The following UBE2E3 variants were observed in gnomAD, a reference collection of about 807,000 sequenced individuals.
UBE2E3 encodes the protein ubiquitin conjugating enzyme E2 E3.
In UBE2E3, 5 loss-of-function variants were observed where a neutral mutation model predicts 23.6. The ratio of observed to expected loss-of-function variants is 0.21; its 90% CI spans 0.11 to 0.44. The LOEUF (loss-of-function observed/expected upper bound fraction) is 0.44, where lower values mean the gene tolerates loss of function less well. Among genes scored for constraint, UBE2E3 ranks in the 20% least tolerant of loss-of-function variants. The pLI is 0.99. For synonymous variants in UBE2E3, 78 were observed against 87.5 expected, an observed-to-expected ratio of 0.89 and a Z score of 0.60; for missense variants, 81 against 249.8, an observed-to-expected ratio of 0.32 and a Z score of 4.55.
chr2:181,001,395 C>A (rs1559116952), intron 3 of UBE2E3, among the ~76,000 whole-genome samples: 1 of 152,088 alleles, frequency 6.6e-6, no homozygotes, highest in East Asian at 1.9e-4. Flanking sequence ...AAGAAACATA[C>A]AATTATGTTT....
rs184164312 is a variant in UBE2E3, at chr2:181,016,712, A to G, written c.245+32619A>G. On this transcript the variant is annotated intron_variant, in intron 3 of 5. Transcript: ENST00000410062. The stretch of plus-strand genomic sequence containing the variant: ...CTGTCGCCCTATCAGTCTCACGACT[A>G]TTATGATTTACTAGAAATTTTTCTT... 6.6e-5 allele frequency among the ~76,000 whole-genome samples: 10 copies of G among 152,348 alleles called. No homozygotes were observed. The East Asian group carries it at 1.3e-3, about 21-fold the overall frequency.
chr2:180,982,298 T>A (rs1684321645), intron 2 of UBE2E3, 62 bp downstream of exon 2: 1 of 1,496,564 alleles, frequency 6.7e-7, no homozygotes, highest in Admixed American at 2.0e-5. Flanking sequence ...GGTTGGACGC[T>A]TTTGTTGGTT....
chr2:181,023,264 A>T (rs1471881341), intron 3 of UBE2E3, among the ~76,000 whole-genome samples: 1 of 152,250 alleles, frequency 6.6e-6, no homozygotes, highest in Non-Finnish European at 1.5e-5. Context: ...TGTATGCTGA[A>T]TAGTGAGAAA....
intron 3 of UBE2E3, among the ~76,000 whole-genome samples, chr2:181,014,191 T>G (rs1199704695): frequency 6.6e-6 from 1 of 151,982 alleles, no homozygotes; most frequent in African/African-American, 2.4e-5. Context: ...AAGATGGAAG[T>G]TTTAGTTTTT....
chr2:181,058,065 A>G (rs924293035), intron 4 of UBE2E3, among the ~76,000 whole-genome samples: 1 of 151,824 alleles, frequency 6.6e-6, no homozygotes, highest in African/African-American at 2.4e-5. Context: ...TTGCACATCA[A>G]TAAAGCAGAT....
chr2:181,020,582 G>C (rs1359303461), intron 3 of UBE2E3, among the ~76,000 whole-genome samples: 2 of 152,084 alleles, frequency 1.3e-5, no homozygotes, highest in Admixed American at 6.5e-5. Context: ...TTAATTCATA[G>C]TCATTTCAAT....
At position 180,982,162 on chromosome 2, in the gene UBE2E3, T is replaced by C. The variant is rs778744629; in HGVS notation, c.120T>C (p.Pro40=). ...CTGAAGAACAAGAGGAAAGAAAACC[T>C]TCTGCCACCCAGCAGAAGAAAAACA... ...PEPEEQEERK[P]SATQQKKNTK... The change falls in exon 2 of 6, where the codon CCT becomes CCC. Residue 40 remains proline, a synonymous_variant. Transcript: ENST00000410062. The C allele has an allele frequency of 1.2e-6, 2 of 1,612,830 alleles. No individual in the cohort carries two copies. Among genetic ancestry groups the C allele is most frequent in the Non-Finnish European group, 1.7e-6 (2 of 1,179,622 alleles).
intron 3 of UBE2E3, among the ~76,000 whole-genome samples, chr2:181,022,412 A>G (rs1685733025): frequency 6.6e-6 from 1 of 152,272 alleles, no homozygotes; most frequent in South Asian, 2.1e-4. Context: ...AGGGGAAATA[A>G]AAGATTATCT....
At chr2:181,023,251 G>T (rs1387050396) in intron 3 of UBE2E3, among the ~76,000 whole-genome samples, 1 of 152,182 alleles carries the variant, frequency 6.6e-6, no homozygotes, top group Non-Finnish European at 1.5e-5. Context: ...AATGAGAATT[G>T]ACTGTATGCT....
intron 4 of UBE2E3, among the ~76,000 whole-genome samples, chr2:181,059,436 AT>A (rs1237029798): frequency 2.6e-5 from 4 of 151,914 alleles, no homozygotes; most frequent in African/African-American, 7.2e-5. Flanking sequence ...CTAGAGCAGC[AT>A]TAATGGAAAT....
chr2:181,005,566 T>C (rs1282528220), intron 3 of UBE2E3, among the ~76,000 whole-genome samples: 2 of 152,196 alleles, frequency 1.3e-5, no homozygotes, highest in Non-Finnish European at 2.9e-5. Flanking sequence ...GCATTATCTA[T>C]TTCTCCATAG....
At chr2:181,014,773 C>T (rs975711395) in intron 3 of UBE2E3, among the ~76,000 whole-genome samples, 1 of 151,938 alleles carries the variant, frequency 6.6e-6, no homozygotes, top group Non-Finnish European at 1.5e-5. Context: ...ATATATGATA[C>T]CTTTATATGA....
chr2:181,057,963 TC>T, intron 4 of UBE2E3, 138 bp downstream of exon 4: 1 of 868,170 alleles, frequency 1.2e-6, no homozygotes, highest in South Asian at 2.1e-5. Context: ...TTTCGCATAA[TC>T]AAGAATTTTA....
intron 3 of UBE2E3, among the ~76,000 whole-genome samples, chr2:180,991,215 A>G (rs1442585281): frequency 1.3e-5 from 2 of 151,488 alleles, no homozygotes; most frequent in Admixed American, 6.6e-5. Flanking sequence ...ATGGCCCTCT[A>G]TAATAGTTCC....
chr2:180,996,039 C>A (rs1574164255), intron 3 of UBE2E3, among the ~76,000 whole-genome samples: 6 of 152,084 alleles, frequency 3.9e-5, no homozygotes, highest in Admixed American at 3.9e-4. Context: ...ATTGTCACTT[C>A]ATAATTGTAT....
intron 3 of UBE2E3, among the ~76,000 whole-genome samples, chr2:181,015,893 A>C (rs1181877231): frequency 6.6e-6 from 1 of 152,010 alleles, no homozygotes; most frequent in East Asian, 1.9e-4. Context: ...GCAAGTGCCC[A>C]AACTAGAAAC....
At chr2:180,981,245 T>G (rs904402134) in intron 1 of UBE2E3, 1 of 151,540 alleles carries the variant, frequency 6.6e-6, no homozygotes, top group Non-Finnish European at 1.5e-5. Flanking sequence ...GCGCGGAAAT[T>G]TGTTGCACTT....
At chr2:181,020,860 A>C (rs1240487118) in intron 3 of UBE2E3, among the ~76,000 whole-genome samples, 1 of 152,220 alleles carries the variant, frequency 6.6e-6, no homozygotes, top group Non-Finnish European at 1.5e-5. Context: ...AAATCTAGTG[A>C]TATGGTTGTA....
intron 3 of UBE2E3, among the ~76,000 whole-genome samples, chr2:181,030,376 C>T (rs937099432): frequency 7.9e-5 from 12 of 151,878 alleles, no homozygotes; most frequent in African/African-American, 2.4e-4. Flanking sequence ...TGCAGTGGCA[C>T]GATCTCATCT....
Sources: allele counts gnomAD v4.1 joint callset (sites outside exome capture counted in the v4.1 genomes callset), GRCh38; gene constraint gnomAD v4.1.1; transcripts MANE v1.5; gene names NCBI Gene and HGNC (gene_info 2026-07-23, HGNC 2026-07-21).